The following ZFYVE9 variants were observed in gnomAD, a reference collection of about 807,000 sequenced individuals.
ZFYVE9 encodes the protein zinc finger FYVE domain-containing protein 9.
In ZFYVE9, 43 loss-of-function variants were observed where a neutral mutation model predicts 126.7. The ratio of observed to expected loss-of-function variants is 0.34; its 90% CI spans 0.27 to 0.44. The LOEUF (loss-of-function observed/expected upper bound fraction) is 0.44. Among genes scored for constraint, ZFYVE9 ranks in the 20% least tolerant of loss-of-function variants. ZFYVE9 has a pLI of 1.00. For synonymous variants in ZFYVE9, 521 were observed against 597.4 expected (o/e 0.87, Z 1.87); for missense variants, 1,476 against 1,697.0 (o/e 0.87, Z 2.29).
At chr1:52,177,891 T>G (rs1644653436) in intron 1 of ZFYVE9, among the ~76,000 whole-genome samples, 1 of 151,920 alleles carries the variant, frequency 6.6e-6, no homozygotes, top group Admixed American at 6.6e-5. Context: ...AGTAGATACT[T>G]AGACACAGGA....
At chr1:52,336,165 G>A (rs565655746) in intron 15 of ZFYVE9, among the ~76,000 whole-genome samples, 1 of 151,850 alleles carries the variant, frequency 6.6e-6, no homozygotes, top group African/African-American at 2.4e-5. Flanking sequence ...CTTAGGGCTG[G>A]ATTCCAGTGT....
At chr1:52,343,702 A>T (rs780735194) in intron 17 of ZFYVE9, among the ~76,000 whole-genome samples, 1 of 149,712 alleles carries the variant, frequency 6.7e-6, no homozygotes, top group African/African-American at 2.5e-5. Flanking sequence ...GTTGCACTGA[A>T]CTGAGATCGC....
intron 1 of ZFYVE9, among the ~76,000 whole-genome samples, chr1:52,178,971 A>T (rs1369747145): frequency 6.6e-6 from 1 of 151,884 alleles, no homozygotes; most frequent in Middle Eastern, 3.2e-3. Flanking sequence ...TGCCTGGCTA[A>T]TTTTTTTGTT....
intron 13 of ZFYVE9, among the ~76,000 whole-genome samples, chr1:52,328,817 A>T (rs1646314775): frequency 6.6e-6 from 1 of 152,246 alleles, no homozygotes; most frequent in African/African-American, 2.4e-5. Context: ...ATTTCAAAGT[A>T]ACCTTTGGAA....
At chr1:52,188,214 A>G (rs1644782450) in intron 1 of ZFYVE9, among the ~76,000 whole-genome samples, 1 of 78,770 alleles carries the variant, frequency 1.3e-5, no homozygotes, top group African/African-American at 5.2e-5. Context: ...TACTTAGGAA[A>G]CTAATGCAGG....
chr1:52,289,950 G>T (rs866973221), intron 10 of ZFYVE9, among the ~76,000 whole-genome samples: 1 of 152,110 alleles, frequency 6.6e-6, no homozygotes, highest in Non-Finnish European at 1.5e-5. Flanking sequence ...TAGGGAAATC[G>T]CAAAGGAATA....
At chr1:52,312,541 T>A (rs909195585) in intron 13 of ZFYVE9, among the ~76,000 whole-genome samples, 1 of 152,214 alleles carries the variant, frequency 6.6e-6, no homozygotes, top group Non-Finnish European at 1.5e-5. Context: ...TGGGCCTTCC[T>A]CCAGCCCCAG....
intron 12 of ZFYVE9, among the ~76,000 whole-genome samples, chr1:52,301,558 C>T (rs1212520649): frequency 6.6e-6 from 1 of 152,166 alleles, no homozygotes; most frequent in African/African-American, 2.4e-5. Context: ...TCCACCTCAG[C>T]CTCCCAAAGT....
intron 10 of ZFYVE9, among the ~76,000 whole-genome samples, chr1:52,285,672 A>T (rs1297048021): frequency 6.6e-6 from 1 of 152,146 alleles, no homozygotes; most frequent in Non-Finnish European, 1.5e-5. Flanking sequence ...GATCCCACTG[A>T]TTCTACATTA....
intron 1 of ZFYVE9, among the ~76,000 whole-genome samples, chr1:52,198,563 T>C (rs192939548): frequency 2.6e-5 from 4 of 152,210 alleles, no homozygotes; most frequent in Non-Finnish European, 5.9e-5. Flanking sequence ...GATAGGAGCA[T>C]ACATAGGATC....
At chr1:52,272,220 A>G (rs1645699601) in intron 7 of ZFYVE9, among the ~76,000 whole-genome samples, 1 of 152,266 alleles carries the variant, frequency 6.6e-6, no homozygotes, top group Admixed American at 6.5e-5. Context: ...ATGAATCTTT[A>G]GGAAACACCT....
rs1039672708 is a variant in ZFYVE9, at chr1:52,239,399, G to A, written c.1982G>A (p.Cys661Tyr). 16 of 1,614,048 alleles carry A rather than the reference G, an allele frequency of 9.9e-6. No individual in the cohort carries two copies. The African/African-American group carries it at 1.3e-4, about 13-fold the overall frequency. ...SYEAEISTRPCLALAPDSPDN... is the reference protein window; with the variant it reads ...SYEAEISTRPYLALAPDSPDN... ...GAGGCTGAGATCTCCACTAGACCAT[G>A]CCTTGCATTAGCTCCAGATAGCCCA... Residue 661 changes from cysteine to tyrosine, a missense_variant, in exon 4 of 19, where the codon TGC (cysteine) becomes TAC (tyrosine). Transcript: ENST00000287727.
At chr1:52,297,895 G>T (rs1169489224) in intron 12 of ZFYVE9, among the ~76,000 whole-genome samples, 1 of 150,756 alleles carries the variant, frequency 6.6e-6, no homozygotes, top group Non-Finnish European at 1.5e-5. Context: ...GCTAGTTTTT[G>T]TATTTTTAGT....
chr1:52,149,066 C>CAATTCTCCTGACCCAGCCTCTCGAGTAG (rs1553246223), intron 1 of ZFYVE9, among the ~76,000 whole-genome samples: 2 of 131,686 alleles, frequency 1.5e-5, no homozygotes, highest in African/African-American at 2.8e-5. Flanking sequence ...CCAGTTCAAA[C>CAATTCTCCTGACCCAGCCTCTCGAGTAG]AATTCTCCTG....
intron 4 of ZFYVE9, among the ~76,000 whole-genome samples, chr1:52,246,698 A>ATTTT (rs759969701): frequency 1.0e-5 from 1 of 99,288 alleles, no homozygotes; most frequent in Non-Finnish European, 2.1e-5. Flanking sequence ...CGTGTAACTA[A>ATTTT]TTTTTTTTTT....
At chr1:52,281,286 C>T (rs1645801416) in intron 9 of ZFYVE9, among the ~76,000 whole-genome samples, 1 of 152,056 alleles carries the variant, frequency 6.6e-6, no homozygotes, top group African/African-American at 2.4e-5. Flanking sequence ...GCGCCCGCCA[C>T]TGCACCCAGC....
chr1:52,331,537 G>A (rs933204498), intron 13 of ZFYVE9, among the ~76,000 whole-genome samples: 1 of 151,424 alleles, frequency 6.6e-6, no homozygotes, highest in African/African-American at 2.4e-5. Context: ...CGGATCACGA[G>A]GTCAGGAGAT....
intron 13 of ZFYVE9, among the ~76,000 whole-genome samples, chr1:52,331,758 A>G (rs1161087550): frequency 6.6e-6 from 1 of 150,744 alleles, no homozygotes; most frequent in East Asian, 1.9e-4. Context: ...TCTCAAAAAA[A>G]AAAGGTGTCA....
At chr1:52,342,787 C>T (rs749488811) in intron 17 of ZFYVE9, among the ~76,000 whole-genome samples, 1 of 152,232 alleles carries the variant, frequency 6.6e-6, no homozygotes, top group African/African-American at 2.4e-5. Flanking sequence ...CCGCCTCGGC[C>T]TCCCAAAGTA....
Sources: gnomAD v4.1 joint callset for allele counts (sites outside exome capture counted in the v4.1 genomes callset) on GRCh38, gnomAD v4.1.1 for gene constraint, MANE v1.5 for transcripts, NCBI Gene and HGNC (gene_info 2026-07-23, HGNC 2026-07-21) for gene names.